Variants in ATXN2 observed in about 807,000 individuals in gnomAD.
ATXN2 encodes ataxin 2, also known as ataxin-2.
In ATXN2, 37 loss-of-function variants were observed where a neutral mutation model predicts 138.6. The observed-to-expected ratio is 0.27, with a 90% CI of 0.21 to 0.35. The LOEUF (loss-of-function observed/expected upper bound fraction) is 0.35, where lower values mean the gene tolerates loss of function less well. Ranked by LOEUF, ATXN2 falls within the 10% of genes least tolerant of loss-of-function variation. The probability of loss-of-function intolerance (pLI) is 1.00; values close to 1 mark genes in which losing one functional copy is unlikely to be tolerated. For synonymous variants in ATXN2, 549 were observed against 543.7 expected (o/e 1.01, Z -0.13); for missense variants, 1,216 against 1,480.3 (o/e 0.82, Z 2.93).
chr12:111,574,002 A>G (rs1236951388), intron 1 of ATXN2, among the ~76,000 whole-genome samples: 1 of 151,410 alleles, frequency 6.6e-6, no homozygotes, highest in Non-Finnish European at 1.5e-5. Context: ...TTTCCTTACC[A>G]TTTTAGATTG....
intron 1 of ATXN2, among the ~76,000 whole-genome samples, chr12:111,582,462 A>G (rs550300431): frequency 5.9e-5 from 9 of 151,386 alleles, no homozygotes; most frequent in African/African-American, 2.2e-4. Context: ...AAAGAACTGC[A>G]GGGTGTGATG....
Position 111,583,101 on chromosome 12 carries a change from C to T in ATXN2, c.251+15683G>A, listed in dbSNP as rs951910925. On this transcript the variant is annotated intron_variant, in intron 1 of 24. Transcript: ENST00000673436. ...TCCACCTCCTGGGTTCAAGCGATTCCCCTGCCTCAGCCTCTCGAGTAGCTG... is the reference window on the plus strand; with the variant it reads ...TCCACCTCCTGGGTTCAAGCGATTCTCCTGCCTCAGCCTCTCGAGTAGCTG... 5.2e-4 allele frequency among the ~76,000 whole-genome samples: 79 copies of T among 150,832 alleles called. 1 individual carries two copies. Among genetic ancestry groups the T allele is most frequent in the African/African-American group, 1.9e-3 (78 of 40,938 alleles).
At chr12:111,500,073 A>T (rs566510633) in intron 14 of ATXN2, among the ~76,000 whole-genome samples, 85 of 152,318 alleles carry the variant, frequency 5.6e-4, no homozygotes, top group African/African-American at 1.9e-3. Flanking sequence ...AAAAACTAAA[A>T]ATAGAGCTAC....
chr12:111,582,108 AG>A (rs902140635), intron 1 of ATXN2, among the ~76,000 whole-genome samples: 4 of 152,112 alleles, frequency 2.6e-5, no homozygotes, highest in African/African-American at 4.8e-5. Flanking sequence ...CCAAGGCAAG[AG>A]GAGTACTTGA....
rs1023043194 is a variant in ATXN2 at position 111,464,566 on chromosome 12, G to C, written c.2896+96C>G. 4.2e-6 allele frequency: 4 copies of C among 941,328 alleles called. No homozygotes were observed. In the Admixed American group the frequency reaches 8.9e-5, roughly 21 times the overall value. The allele number at this position is 941,328 out of a possible 1,614,324, so 58.3% of individuals were successfully genotyped here. On this transcript the variant is annotated intron_variant, in intron 21 of 24. Coordinates refer to ENST00000673436, the MANE Select transcript of ATXN2 (RefSeq NM_001372574.1). ...ACTTTCAATAATTTGACTGGCACAA[G>C]GAAAATATTGTTCAACAAGTCTACT...
Position 111,452,711 on chromosome 12 carries a change from T to TA in ATXN2, c.*100dup, listed in dbSNP as rs749052489. 1 of 1,320,942 alleles carries TA rather than the reference T, an allele frequency of 7.6e-7. No homozygotes were observed. Among genetic ancestry groups the TA allele is most frequent in the South Asian group, 1.2e-5 (1 of 83,822 alleles). 81.8% of individuals were successfully genotyped at this position (1,320,942 alleles called of 1,614,324 possible). On this transcript the variant is annotated 3_prime_UTR_variant, in exon 25 of 25. Coordinates refer to ENST00000673436, the MANE Select transcript of ATXN2 (RefSeq NM_001372574.1). The stretch of plus-strand genomic sequence containing the variant: ...TTACAAGAAATCAACATATATATTT[T>TA]AAAAACAAAATAAATGAAATTCTAG...
chr12:111,597,414 A>G (rs1884991060), intron 1 of ATXN2, among the ~76,000 whole-genome samples: 1 of 152,230 alleles, frequency 6.6e-6, no homozygotes, highest in African/African-American at 2.4e-5. Flanking sequence ...CCGGCGGCCT[A>G]GGCCTAAAGA....
chr12:111,485,583 T>G, intron 17 of ATXN2, 130 bp downstream of exon 17: 1 of 1,159,186 alleles, frequency 8.6e-7, no homozygotes, highest in Non-Finnish European at 1.2e-6. Context: ...ACTGAATCTC[T>G]GCATGCCTGT....
chr12:111,465,481 T>C (rs983367457), intron 20 of ATXN2, among the ~76,000 whole-genome samples: 2 of 151,844 alleles, frequency 1.3e-5, no homozygotes, highest in East Asian at 1.9e-4. Flanking sequence ...ATTAGAAGAG[T>C]AGATGTGAGG....
intron 5 of ATXN2, among the ~76,000 whole-genome samples, chr12:111,531,935 T>G (rs1485637784): frequency 6.6e-6 from 1 of 152,220 alleles, no homozygotes; most frequent in African/African-American, 2.4e-5. Flanking sequence ...GAAATGCAGT[T>G]ATCAAAAACT....
chr12:111,481,449 C>T (rs535167119), intron 18 of ATXN2, among the ~76,000 whole-genome samples: 2 of 151,540 alleles, frequency 1.3e-5, no homozygotes, highest in South Asian at 4.2e-4. Context: ...TACAAAAAAA[C>T]AAAAAACCAC....
chr12:111,579,820 C>T (rs1317330199), intron 1 of ATXN2, among the ~76,000 whole-genome samples: 2 of 151,830 alleles, frequency 1.3e-5, no homozygotes, highest in South Asian at 4.2e-4. Flanking sequence ...TGTCTCAGCC[C>T]CCCCGAGTAG....
chr12:111,594,466 G>A (rs1566087679), intron 1 of ATXN2, among the ~76,000 whole-genome samples: 1 of 152,010 alleles, frequency 6.6e-6, no homozygotes, highest in Admixed American at 6.6e-5. Context: ...AGCCTCCCAA[G>A]TAGCTGGGAT....
intron 6 of ATXN2, among the ~76,000 whole-genome samples, chr12:111,523,237 G>A (rs11065938): frequency 0.1 from 14,941 of 145,342 alleles, 2,479 homozygotes; most frequent in African/African-American, 0.35. Flanking sequence ...CTCAAAAAAA[G>A]AAAAAAAAAA....
At chr12:111,599,671 G>C (rs1049663920), upstream of ATXN2, 15 of 1,053,424 alleles carry the variant, frequency 1.4e-5, no homozygotes, top group Admixed American at 2.6e-4. Flanking sequence ...TTGCTTTCTC[G>C]GGGGTCGGGT....
chr12:111,571,392 A>C (rs1208158301), intron 1 of ATXN2, among the ~76,000 whole-genome samples: 1 of 152,190 alleles, frequency 6.6e-6, no homozygotes, highest in Non-Finnish European at 1.5e-5. Context: ...TGAATAAGAA[A>C]GCTAACTTGT....
chr12:111,557,804 G>T (rs1287156296), intron 1 of ATXN2, among the ~76,000 whole-genome samples: 2 of 152,036 alleles, frequency 1.3e-5, no homozygotes, highest in Non-Finnish European at 2.9e-5. Context: ...GTAGGGGTGT[G>T]GGGGGGTGTA....
chr12:111,453,811 G>A lies in ATXN2; in HGVS notation c.3305C>T (p.Pro1102Leu), dbSNP rs761528639. 1.9e-6 allele frequency: 3 copies of A among 1,613,918 alleles called. No homozygotes were observed. In the Admixed American group the frequency reaches 5.0e-5, roughly 27 times the overall value. ...HVQSGMVPSHPTAHAPMMLMT... is the reference protein window; with the variant it reads ...HVQSGMVPSHLTAHAPMMLMT... The stretch of plus-strand genomic sequence containing the variant: ...TAGCATCATTGGCGCATGGGCAGTT[G>A]GATGAGAAGGAACCATTCCTGACTG... The change falls in exon 24 of 25, where the codon CCA (proline) becomes CTA (leucine). Residue 1102 changes from proline to leucine, a missense_variant. Coordinates refer to ENST00000673436, the MANE Select transcript of ATXN2 (RefSeq NM_001372574.1). This position sits in a 1 kb window ranked among gnomAD's most constrained non-coding sequence, Gnocchi z 5.4.
intron 1 of ATXN2, among the ~76,000 whole-genome samples, chr12:111,574,183 C>A (rs1000881375): frequency 6.6e-6 from 1 of 151,372 alleles, no homozygotes; most frequent in African/African-American, 2.4e-5. Context: ...TGGCGGGCAC[C>A]TGTAGTCCCA....
Sources: gnomAD v4.1 joint callset for allele counts (sites outside exome capture counted in the v4.1 genomes callset) on GRCh38, gnomAD v4.1.1 for gene constraint, Gnocchi (gnomAD v3.1) non-coding constraint, MANE v1.5 for transcripts, NCBI Gene and HGNC (gene_info 2026-07-23, HGNC 2026-07-21) for gene names.